The following ZNF239 variants were observed in gnomAD, a reference collection of about 807,000 sequenced individuals.
ZNF239 encodes the protein zinc finger protein 239.
In ZNF239, 16 loss-of-function variants were observed where a neutral mutation model predicts 27.5. That is an observed-to-expected ratio of 0.58 (90% CI 0.39 to 0.88). The LOEUF (loss-of-function observed/expected upper bound fraction) is 0.88, where lower values mean the gene tolerates loss of function less well. Among genes scored for constraint, ZNF239 ranks in the 40% least tolerant of loss-of-function variants. ZNF239 has a pLI of 0.00. For missense variants in ZNF239, 527 were observed against 551.9 expected (o/e 0.95, Z 0.45); for synonymous variants, 199 against 192.6 (o/e 1.03, Z -0.27).
intron 3 of ZNF239, among the ~76,000 whole-genome samples, chr10:43,563,524 G>A (rs894753134): frequency 6.6e-6 from 1 of 152,134 alleles, no homozygotes; most frequent in Non-Finnish European, 1.5e-5. Context: ...TAAGTACAGA[G>A]TCCATAGAAA....
intron 3 of ZNF239, 76 bp from the exon 4 acceptor site, chr10:43,558,247 T>C: frequency 7.4e-7 from 1 of 1,356,900 alleles, no homozygotes; most frequent in Non-Finnish European, 9.7e-7. Context: ...GCCTAAGGCC[T>C]GAAGTCTTAG....
rs1170360252 is a variant in ZNF239, at chr10:43,556,915, C to A, written c.1165G>T (p.Asp389Tyr). Reference sequence around the variant, plus strand: ...TGGACTCTGAGATGGATGCGAAGATCCGAGCTCTGGCTGAAACCCTTCCCA... The same window carrying A: ...TGGACTCTGAGATGGATGCGAAGATACGAGCTCTGGCTGAAACCCTTCCCA... ...ECGKGFSQSS[D>Y]LRIHLRVHTG... Residue 389 changes from aspartate to tyrosine, a missense_variant, in exon 4 of 4, where the codon GAT becomes TAT. By Grantham distance (160) the Asp-to-Tyr change is radical. Coordinates refer to ENST00000374446, the MANE Select transcript of ZNF239 (RefSeq NM_001099282.2). The A allele has an allele frequency of 6.2e-7, 1 of 1,606,978 alleles. No individual in the cohort carries two copies. Among genetic ancestry groups the A allele is most frequent in the East Asian group, 2.2e-5 (1 of 44,460 alleles).
At chr10:43,569,811 A>AT (rs1242949296) in intron 2 of ZNF239, among the ~76,000 whole-genome samples, 1 of 152,184 alleles carries the variant, frequency 6.6e-6, no homozygotes, top group Non-Finnish European at 1.5e-5. Flanking sequence ...TCATGACTGC[A>AT]TCCCCAAGAC....
chr10:43,558,537 C>T (rs1836981452), intron 3 of ZNF239, among the ~76,000 whole-genome samples: 1 of 152,136 alleles, frequency 6.6e-6, no homozygotes, highest in Admixed American at 6.5e-5. Flanking sequence ...TAGCCTCCAC[C>T]TCCCAGGTTC....
At chr10:43,573,395 G>C (rs1422640229) in intron 2 of ZNF239, among the ~76,000 whole-genome samples, 1 of 152,186 alleles carries the variant, frequency 6.6e-6, no homozygotes, top group African/African-American at 2.4e-5. Context: ...GGCTCCCCAG[G>C]AGGGCACAGC....
intron 2 of ZNF239, chr10:43,570,081 A>G: frequency 2.8e-6 from 2 of 703,272 alleles, no homozygotes; most frequent in Non-Finnish European, 3.5e-6. Flanking sequence ...GCTGTCTCAT[A>G]AATTTGATCA....
At chr10:43,570,636 A>G in intron 2 of ZNF239, 1 of 983,086 alleles carries the variant, frequency 1.0e-6, no homozygotes. Context: ...CAATATTCAA[A>G]CCATTTCAGA....
chr10:43,558,490 C>T (rs1324231000), intron 3 of ZNF239, among the ~76,000 whole-genome samples: 1 of 152,042 alleles, frequency 6.6e-6, no homozygotes, highest in Non-Finnish European at 1.5e-5. Flanking sequence ...ACTCTGCTGC[C>T]CAGGCTGGAG....
At chr10:43,567,051 G>A (rs2132285130) in intron 3 of ZNF239, among the ~76,000 whole-genome samples, 1 of 152,154 alleles carries the variant, frequency 6.6e-6, no homozygotes, top group Middle Eastern at 3.4e-3. Flanking sequence ...CCGAGATCGT[G>A]CCACTGCACT....
At chr10:43,562,659 G>A (rs1380673111) in intron 3 of ZNF239, among the ~76,000 whole-genome samples, 1 of 152,216 alleles carries the variant, frequency 6.6e-6, no homozygotes, top group Non-Finnish European at 1.5e-5. Flanking sequence ...AAGCCACACT[G>A]TGGCTGATGG....
In ZNF239 at chr10:43,568,109, G is replaced by T. The variant is rs567572726; in HGVS notation, c.-215-88C>A. 4 of 985,650 alleles carry T rather than the reference G, an allele frequency of 4.1e-6. No homozygotes were observed. The South Asian group carries it at 1.4e-4, about 35-fold the overall frequency. 61.1% of individuals were successfully genotyped at this position (985,650 alleles called of 1,614,324 possible). ...GGTGAAGTCAGCAGCACTGGAAAAG[G>T]TAAGAAAGGTATAGAAGAAGTTTGC... On this transcript the variant is annotated intron_variant, in intron 2 of 3. Coordinates refer to ENST00000374446, the MANE Select transcript of ZNF239 (RefSeq NM_001099282.2).
intron 3 of ZNF239, among the ~76,000 whole-genome samples, chr10:43,565,703 T>C (rs1837585650): frequency 6.6e-6 from 1 of 151,296 alleles, no homozygotes; most frequent in Non-Finnish European, 1.5e-5. Context: ...TAGTCCCAGC[T>C]ACTCAGGAGT....
chr10:43,574,514 G>C (rs560677074), intron 1 of ZNF239, 26 bp downstream of exon 1: 1 of 152,316 alleles, frequency 6.6e-6, no homozygotes, highest in Non-Finnish European at 1.5e-5. Flanking sequence ...CTCTGCCAGC[G>C]GCTGGGGAAG....
chr10:43,564,332 G>A, intron 3 of ZNF239: 1 of 965,302 alleles, frequency 1.0e-6, no homozygotes, highest in South Asian at 4.8e-5. Context: ...GTTTAAAGGA[G>A]ACTAGTGTAC....
At chr10:43,571,651 C>T (rs562997626) in intron 2 of ZNF239, among the ~76,000 whole-genome samples, 6 of 152,194 alleles carry the variant, frequency 3.9e-5, no homozygotes, top group Admixed American at 2.0e-4. Context: ...CTCCACCTCC[C>T]GGGTTCAAGA....
chr10:43,559,965 A>G (rs979728676), intron 3 of ZNF239, among the ~76,000 whole-genome samples: 2 of 152,248 alleles, frequency 1.3e-5, no homozygotes, highest in African/African-American at 4.8e-5. Context: ...CTCAGAATCA[A>G]TAATTACAAA....
intron 3 of ZNF239, among the ~76,000 whole-genome samples, chr10:43,563,643 CA>C (rs1325389525): frequency 6.6e-6 from 1 of 152,128 alleles, no homozygotes; most frequent in Non-Finnish European, 1.5e-5. Flanking sequence ...ATGTTAATAA[CA>C]ATGAAAACCT....
rs1836755609 is a variant in ZNF239, at chr10:43,556,659, T to C, written c.*44A>G. The C allele has an allele frequency of 1.3e-6, 2 of 1,570,994 alleles. No individual in the cohort carries two copies. The highest frequency in any genetic ancestry group is 1.7e-6 in the Non-Finnish European group (2 of 1,158,890). ...GAGTGATACTAAATATTTAACAGTT[T>C]TTACAGTATGAGCGCTGTGAAGACC... On this transcript the variant is annotated 3_prime_UTR_variant, in exon 4 of 4. Transcript: ENST00000374446.
chr10:43,557,563 G>T lies in ZNF239; in HGVS notation c.517C>A (p.His173Asn), dbSNP rs376506817. The T allele has an allele frequency of 4.0e-5, 65 of 1,614,006 alleles. No homozygotes were observed. The highest frequency in any genetic ancestry group is 3.4e-6 in the Non-Finnish European group (4 of 1,180,034). ...TGGTCACAGGGTTTCTCCTCTGTAT[G>T]AGCTCTCTGCTGACTACAACTGACC... ...QVVSCSQQRA[H>N]TEEKPCDHNN... The change falls in exon 4 of 4, where the codon CAT (histidine) becomes AAT (asparagine). Residue 173 changes from histidine (H) to asparagine (N), a missense_variant. Physicochemically the swap from His to Asn is moderately conservative, Grantham distance 68. Coordinates refer to ENST00000374446, the MANE Select transcript of ZNF239 (RefSeq NM_001099282.2).
Sources: gnomAD v4.1 joint callset for allele counts (sites outside exome capture counted in the v4.1 genomes callset) on GRCh38, gnomAD v4.1.1 for gene constraint, MANE v1.5 for transcripts, NCBI Gene and HGNC (gene_info 2026-07-23, HGNC 2026-07-21) for gene names.